The following ABCC6 variants were observed in gnomAD, a reference collection of about 807,000 sequenced individuals.
ABCC6 encodes ATP-binding cassette sub-family C member 6.
A neutral mutation model predicts 169.5 loss-of-function variants in ABCC6; 126 were observed. That is an observed-to-expected ratio of 0.74 (90% confidence interval 0.64 to 0.86). The LOEUF is 0.86. Ranked by LOEUF, ABCC6 falls within the 40% of genes least tolerant of loss-of-function variation. The probability of loss-of-function intolerance (pLI) is 0.00; values close to 1 mark genes in which losing one functional copy is unlikely to be tolerated. For missense variants in ABCC6, 1,733 were observed against 1,927.2 expected, an observed-to-expected ratio of 0.90 and a Z score of 1.89; for synonymous variants, 752 against 814.7, an observed-to-expected ratio of 0.92 and a Z score of 1.31.
intron 25 of ABCC6, among the ~76,000 whole-genome samples, chr16:16,160,628 C>CAAAAAAA (rs34511090): frequency 1.0e-4 from 8 of 76,392 alleles, no homozygotes; most frequent in East Asian, 4.5e-4. Context: ...CTGTTTCTAC[C>CAAAAAAA]AAAAAAAAAA....
intron 21 of ABCC6, among the ~76,000 whole-genome samples, chr16:16,170,078 G>A (rs2047010515): frequency 7.3e-6 from 1 of 137,080 alleles, no homozygotes. Flanking sequence ...CAGGGAGCTA[G>A]TATTAATATT....
In ABCC6 at chr16:16,192,686, T is replaced by C. The variant is rs530279515; in HGVS notation, c.1431+144A>G. On this transcript the variant is annotated intron_variant, in intron 11 of 30. Coordinates refer to ENST00000205557, the MANE Select transcript of ABCC6 (RefSeq NM_001171.6). ...AGGATAGGGGGAGGGGGTGCAGGTC[T>C]GAGTGATGGGCAGCTCACAGACGAC... is the stretch of plus-strand genomic sequence containing the variant. 18 of 758,044 alleles carry C rather than the reference T, an allele frequency of 2.4e-5. No homozygotes were observed. In the African/African-American group the frequency reaches 3.1e-4, roughly 13 times the overall value. The allele number at this position is 758,044 out of a possible 1,614,324, so 47.0% of individuals were successfully genotyped here.
chr16:16,163,961 A>G (rs2046805199), intron 23 of ABCC6, among the ~76,000 whole-genome samples: 1 of 152,154 alleles, frequency 6.6e-6, no homozygotes, highest in African/African-American at 2.4e-5. Flanking sequence ...TGAGACAGAA[A>G]CAGCCCATCC....
At chr16:16,161,298 C>T in intron 25 of ABCC6, 140 bp downstream of exon 25, 1 of 1,287,696 alleles carries the variant, frequency 7.8e-7, no homozygotes, top group Non-Finnish European at 1.1e-6. Flanking sequence ...TCTTGTAGAG[C>T]TGCGTGTCCC....
intron 4 of ABCC6, among the ~76,000 whole-genome samples, chr16:16,219,227 T>G (rs1263104339): frequency 6.9e-6 from 1 of 145,836 alleles, no homozygotes; most frequent in African/African-American, 2.5e-5. Flanking sequence ...TGCACACAGG[T>G]GTGTCTGTGC....
chr16:16,176,116 CCT>C, intron 19 of ABCC6, 130 bp from the exon 20 acceptor site: 1 of 807,908 alleles, frequency 1.2e-6, no homozygotes, highest in Non-Finnish European at 2.2e-6. Context: ...TCTCCAGCAA[CCT>C]CTCTCAACAC....
intron 11 of ABCC6, among the ~76,000 whole-genome samples, chr16:16,190,916 G>A (rs1446397241): frequency 4.9e-5 from 6 of 121,494 alleles, no homozygotes; most frequent in African/African-American, 1.8e-4. Context: ...TGGGGGTGGG[G>A]GGTGGGGGCT....
At chr16:16,185,164 A>G (rs1260449684) in intron 14 of ABCC6, 130 bp from the exon 15 acceptor site, 1 of 854,072 alleles carries the variant, frequency 1.2e-6, no homozygotes, top group Non-Finnish European at 1.9e-6. Flanking sequence ...CTCCCACTGA[A>G]CAAATTGCCC....
intron 12 of ABCC6, 70 bp from the exon 13 acceptor site, chr16:16,189,044 C>T (rs2047752302): frequency 1.3e-6 from 2 of 1,564,206 alleles, no homozygotes; most frequent in African/African-American, 1.4e-5. Context: ...CCTGGGCAAG[C>T]TGTGGTGCCT....
intron 6 of ABCC6, among the ~76,000 whole-genome samples, chr16:16,210,909 C>A (rs1283997725): frequency 6.6e-6 from 1 of 152,112 alleles, no homozygotes; most frequent in Admixed American, 6.6e-5. Context: ...GCTTGGCCAA[C>A]GTGGTGAAAC....
At chr16:16,212,359 A>G in intron 5 of ABCC6, 113 bp from the exon 6 acceptor site, 1 of 820,146 alleles carries the variant, frequency 1.2e-6, no homozygotes, top group Middle Eastern at 2.2e-4. Flanking sequence ...CCCAGGCCAG[A>G]GTACAGCGGT....
At position 16,161,548 on chromosome 16, in the gene ABCC6, C is replaced by T. The variant is rs1489521571; in HGVS notation, c.3523G>A (p.Val1175Met). The T allele has an allele frequency of 6.2e-7, 1 of 1,613,968 alleles. No homozygotes were observed. Among genetic ancestry groups the T allele is most frequent in the South Asian group, 1.1e-5 (1 of 91,086 alleles). ...ACCAGGCCATTCCCCAGGAGCTCCACATTGGCCGCAAGCCACCTGCAAAGG... is the reference window on the plus strand; with the variant it reads ...ACCAGGCCATTCCCCAGGAGCTCCATATTGGCCGCAAGCCACCTGCAAAGG... ...LVADRWLAAN[V>M]ELLGNGLVFA... Residue 1175 changes from valine to methionine, a missense_variant, in exon 25 of 31, where the codon GTG (valine) becomes ATG (methionine). Val to Met is a conservative substitution (Grantham distance 21, BLOSUM62 1). This residue lies in a region of ABCC6 where 1,601 missense variants were observed against 1,635.5 expected (regional missense o/e 0.98). Coordinates refer to ENST00000205557, the MANE Select transcript of ABCC6 (RefSeq NM_001171.6).
intron 10 of ABCC6, among the ~76,000 whole-genome samples, chr16:16,194,870 G>A (rs2047981942): frequency 6.6e-6 from 1 of 151,900 alleles, no homozygotes. Flanking sequence ...AGTAGAGATG[G>A]GGTTTCACCA....
chr16:16,192,879 C>T lies in ABCC6; in HGVS notation c.1382G>A (p.Ser461Asn), dbSNP rs748212814. The stretch of plus-strand genomic sequence containing the variant: ...GATGAAGAAATTCAGAGGGAGGAGG[C>T]TCAGGAAGACAGCGATGGCAGTGAG... ...SALTAIAVFLSLLPLNFFISK... is the reference protein window; with the variant it reads ...SALTAIAVFLNLLPLNFFISK... Residue 461 changes from serine to asparagine, a missense_variant, in exon 11 of 31, where the codon AGC becomes AAC. Physicochemically the swap from Ser to Asn is conservative, Grantham distance 46. Coordinates refer to ENST00000205557, the MANE Select transcript of ABCC6 (RefSeq NM_001171.6). The T allele has an allele frequency of 6.2e-7, 1 of 1,613,964 alleles. No homozygotes were observed. Among genetic ancestry groups the T allele is most frequent in the Non-Finnish European group, 8.5e-7 (1 of 1,180,032 alleles).
chr16:16,181,447 G>A (rs1416742615), intron 17 of ABCC6, among the ~76,000 whole-genome samples: 1 of 152,054 alleles, frequency 6.6e-6, no homozygotes, highest in Non-Finnish European at 1.5e-5. Flanking sequence ...GTCAGGAAAG[G>A]CCTCTCTGTG....
At chr16:16,195,465 A>C (rs2048004811) in intron 10 of ABCC6, among the ~76,000 whole-genome samples, 1 of 151,890 alleles carries the variant, frequency 6.6e-6, no homozygotes, top group Admixed American at 6.6e-5. Context: ...GGCACATGCC[A>C]CCATGCCCGG....
rs190261234 is a variant in ABCC6, at chr16:16,197,387, A to G, written c.1338+634T>C. ...CCCATCGTATCAGACAATAGTAGGC[A>G]AATTGAGACAGGATTGGAGGAGGAG... On this transcript the variant is annotated intron_variant, in intron 10 of 30. Coordinates refer to ENST00000205557, the MANE Select transcript of ABCC6 (RefSeq NM_001171.6). Among the ~76,000 whole-genome samples the G allele has an allele frequency of 1.6e-3, 239 of 151,990 alleles. 4 individuals are homozygous for G. The East Asian group carries it at 0.038, about 24-fold the overall frequency.
intron 14 of ABCC6, 120 bp downstream of exon 14, chr16:16,187,004 C>T (rs1596669721): frequency 2.4e-6 from 2 of 827,678 alleles, no homozygotes; most frequent in Non-Finnish European, 4.0e-6. Flanking sequence ...CTGCACGTGT[C>T]ATCCATTGCC....
chr16:16,155,132 T>A, intron 27 of ABCC6, 101 bp from the exon 28 acceptor site: 1 of 1,392,694 alleles, frequency 7.2e-7, no homozygotes, highest in Non-Finnish European at 9.7e-7. Context: ...TATCCATCCC[T>A]CATTGTGTAA....
Sources: gnomAD v4.1 joint callset for allele counts (sites outside exome capture counted in the v4.1 genomes callset) on GRCh38, gnomAD v4.1.1 for gene constraint, gnomAD v4.1.1 regional missense constraint, MANE v1.5 for transcripts, NCBI Gene and HGNC (gene_info 2026-07-23, HGNC 2026-07-21) for gene names.